GABPA: variants seen among roughly 807,000 people sequenced by gnomAD.
GABPA encodes the protein GA-binding protein alpha chain.
A neutral mutation model predicts 59.4 loss-of-function variants in GABPA; 4 were observed. The observed-to-expected ratio is 0.07, with a 90% CI of 0.03 to 0.15. The LOEUF (loss-of-function observed/expected upper bound fraction) is 0.15. Ranked by LOEUF, GABPA falls within the 10% of genes least tolerant of loss-of-function variation. GABPA has a pLI of 1.00. For missense variants in GABPA, 251 were observed against 543.8 expected (o/e 0.46, Z 5.36); for synonymous variants, 164 against 183.1 (o/e 0.90, Z 0.84).
At chr21:25,739,770 A>G (rs1043743146) in intron 1 of GABPA, among the ~76,000 whole-genome samples, 1 of 152,154 alleles carries the variant, frequency 6.6e-6, no homozygotes. Flanking sequence ...GCACACCACC[A>G]TGCCTGGCTA....
chr21:25,753,200 G>A (rs1199698196), intron 5 of GABPA, among the ~76,000 whole-genome samples: 4 of 152,118 alleles, frequency 2.6e-5, no homozygotes, highest in Non-Finnish European at 4.4e-5. Flanking sequence ...AGAGAAGTCT[G>A]GTATAGGAAA....
intron 3 of GABPA, among the ~76,000 whole-genome samples, 159 bp downstream of exon 3, chr21:25,745,513 G>A (rs1471120277): frequency 6.6e-6 from 1 of 152,120 alleles, no homozygotes; most frequent in African/African-American, 2.4e-5. Flanking sequence ...AGGTTTTTAA[G>A]CAAAGTTTTC....
chr21:25,739,247 A>C (rs1434871380), intron 1 of GABPA, among the ~76,000 whole-genome samples: 1 of 152,208 alleles, frequency 6.6e-6, no homozygotes, highest in Admixed American at 6.6e-5. Flanking sequence ...ATAGTTGGAG[A>C]TATTGAGAAC....
intron 2 of GABPA, among the ~76,000 whole-genome samples, chr21:25,741,995 A>G (rs1430819926): frequency 1.3e-5 from 2 of 152,210 alleles, no homozygotes; most frequent in African/African-American, 4.8e-5. Flanking sequence ...TTCAACCTGA[A>G]CTCATTTAAC....
In GABPA at chr21:25,769,281, C is replaced by T. The variant is rs752676500; in HGVS notation, c.*49C>T. On this transcript the variant is annotated 3_prime_UTR_variant, in exon 10 of 10. Coordinates refer to ENST00000400075, the MANE Select transcript of GABPA (RefSeq NM_002040.4). ...AAAGTCTTTCTTAAAATGTTTAGAG[C>T]AAGTATAGCTCTTACCTTTATTACT... 152 of 1,022,898 alleles carry T rather than the reference C, an allele frequency of 1.5e-4. No homozygotes were observed. The highest frequency in any genetic ancestry group is 2.1e-4 in the Non-Finnish European group (134 of 648,374). 63.4% of individuals were successfully genotyped at this position (1,022,898 alleles called of 1,614,324 possible).
chr21:25,767,623 T>G (rs1214538119), intron 9 of GABPA, among the ~76,000 whole-genome samples: 1 of 152,110 alleles, frequency 6.6e-6, no homozygotes, highest in African/African-American at 2.4e-5. Context: ...TTTTCCATTT[T>G]CCTTTTTTTC....
At chr21:25,737,081 C>A (rs553922228) in intron 1 of GABPA, among the ~76,000 whole-genome samples, 8 of 152,306 alleles carry the variant, frequency 5.3e-5, no homozygotes, top group African/African-American at 1.7e-4. Context: ...TTTTAAAAGA[C>A]ACTAGCCGTT....
Position 25,770,391 on chromosome 21 carries a change from A to C in GABPA, c.*1159A>C, listed in dbSNP as rs2035985845. On this transcript the variant is annotated 3_prime_UTR_variant, in exon 10 of 10. Transcript: ENST00000400075. Reference sequence around the variant, plus strand: ...AAAGATATACAGAAGAAAAATTATTAAACAACTCATTTTAAGATTCAAATT... The same window carrying C: ...AAAGATATACAGAAGAAAAATTATTCAACAACTCATTTTAAGATTCAAATT... 6.6e-6 allele frequency: 1 copy of C among 152,118 alleles called. No individual in the cohort carries two copies. Among genetic ancestry groups the C allele is most frequent in the African/African-American group, 2.4e-5 (1 of 41,460 alleles). The allele number at this position is 152,118 out of a possible 1,614,324, so 9.4% of individuals were successfully genotyped here.
intron 5 of GABPA, among the ~76,000 whole-genome samples, chr21:25,753,726 T>C (rs1476620244): frequency 6.6e-6 from 1 of 152,164 alleles, no homozygotes; most frequent in East Asian, 1.9e-4. Flanking sequence ...TGAGGAAGAA[T>C]GCTGGGGTAA....
rs2036017779 is a variant in GABPA, at chr21:25,771,958, A to G, written c.*2726A>G. 1 of 152,034 alleles carries G rather than the reference A, an allele frequency of 6.6e-6. No individual in the cohort carries two copies. Among genetic ancestry groups the G allele is most frequent in the Admixed American group, 6.6e-5 (1 of 15,262 alleles). The allele number at this position is 152,034 out of a possible 1,614,324, so 9.4% of individuals were successfully genotyped here. On this transcript the variant is annotated 3_prime_UTR_variant, in exon 10 of 10. Coordinates refer to ENST00000400075, the MANE Select transcript of GABPA (RefSeq NM_002040.4). ...TTGTATCAGTCTATGTTATTAGGAA[A>G]AATTGTTTAGTTGTTTTCTCCCCTG...
Position 25,735,305 on chromosome 21 carries a change from T to C in GABPA, c.-300T>C. On this transcript the variant is annotated 5_prime_UTR_variant, in exon 1 of 10. Coordinates refer to ENST00000400075, the MANE Select transcript of GABPA (RefSeq NM_002040.4). ...AACAAAGCGGATTGGGGCGTTGTGC[T>C]TCCTTGTACCTCGTGAGCCTCCGTT... The C allele has an allele frequency of 3.1e-6, 1 of 322,766 alleles. No homozygotes were observed. Among genetic ancestry groups the C allele is most frequent in the Non-Finnish European group, 5.9e-6 (1 of 170,820 alleles). 20.0% of individuals were successfully genotyped at this position (322,766 alleles called of 1,614,324 possible). A position where few individuals can be genotyped will look rare whatever the true frequency, so the allele number is the denominator to read the frequency against.
At chr21:25,745,834 A>T (rs1446908417) in intron 3 of GABPA, among the ~76,000 whole-genome samples, 1 of 152,166 alleles carries the variant, frequency 6.6e-6, no homozygotes, top group African/African-American at 2.4e-5. Context: ...AAAGGATTTT[A>T]CCCATGGTAG....
At chr21:25,745,558 AAAAC>A (rs1448390985) in intron 3 of GABPA, among the ~76,000 whole-genome samples, 1 of 152,224 alleles carries the variant, frequency 6.6e-6, no homozygotes, top group East Asian at 1.9e-4. Context: ...ATTTAGTACT[AAAAC>A]AAATGAAACA....
Position 25,735,060 on chromosome 21 carries a change from GGAA to G in GABPA, c.-543_-541del. On this transcript the variant is annotated 5_prime_UTR_variant, in exon 1 of 10. Transcript: ENST00000400075. Reference sequence around the variant, plus strand: ...GTGAGACAGAAGCCAAACAGGAGGAGGAAGTGGAGGGTAAGTGCTTCCGGGTCC... The same window carrying G: ...GTGAGACAGAAGCCAAACAGGAGGAGGTGGAGGGTAAGTGCTTCCGGGTCC... The G allele has an allele frequency of 8.5e-7, 1 of 1,180,974 alleles. No individual in the cohort carries two copies. 73.2% of individuals were successfully genotyped at this position (1,180,974 alleles called of 1,614,324 possible).
intron 6 of GABPA, among the ~76,000 whole-genome samples, chr21:25,761,681 T>C (rs972306355): frequency 2.0e-5 from 3 of 152,210 alleles, no homozygotes; most frequent in Non-Finnish European, 4.4e-5. Context: ...GAATAACATC[T>C]AAGTAGGGAA....
At chr21:25,751,916 A>T (rs1457604405) in intron 4 of GABPA, 73 bp from the exon 5 acceptor site, 1 of 1,493,422 alleles carries the variant, frequency 6.7e-7, no homozygotes, top group Non-Finnish European at 9.2e-7. Flanking sequence ...TTGGGAACAT[A>T]TAAACTAAAT....
intron 5 of GABPA, among the ~76,000 whole-genome samples, chr21:25,753,851 T>G (rs1331999515): frequency 6.6e-6 from 1 of 152,198 alleles, no homozygotes; most frequent in Non-Finnish European, 1.5e-5. Flanking sequence ...GAGACAAGGT[T>G]GTACCTGGGG....
intron 7 of GABPA, 68 bp from the exon 8 acceptor site, chr21:25,764,140 CTT>C: frequency 7.4e-7 from 1 of 1,345,532 alleles, no homozygotes; most frequent in Non-Finnish European, 1.0e-6. Context: ...GTGATAATGT[CTT>C]TCAGTAATTT....
intron 5 of GABPA, 47 bp downstream of exon 5, chr21:25,752,281 G>A: frequency 6.3e-7 from 1 of 1,578,900 alleles, no homozygotes; most frequent in Non-Finnish European, 8.7e-7. Flanking sequence ...TAGGAATTAA[G>A]CTTGACATAG....
Sources: gnomAD v4.1 joint callset for allele counts (sites outside exome capture counted in the v4.1 genomes callset) on GRCh38, gnomAD v4.1.1 for gene constraint, MANE v1.5 for transcripts, NCBI Gene and HGNC (gene_info 2026-07-23, HGNC 2026-07-21) for gene names.